MAD1L1: variants seen among roughly 807,000 people sequenced by gnomAD.
MAD1L1 encodes mitotic arrest deficient 1 like 1.
In MAD1L1, 95 loss-of-function variants were observed where a neutral mutation model predicts 96.9. The observed-to-expected ratio is 0.98, with a 90% CI of 0.83 to 1.16. The LOEUF (loss-of-function observed/expected upper bound fraction) is 1.16. Among genes scored for constraint, MAD1L1 ranks in the 50% most tolerant of loss-of-function variants. MAD1L1 has a pLI of 0.00. For missense variants in MAD1L1, 1,007 were observed against 954.4 expected, an observed-to-expected ratio of 1.06 and a Z score of -0.73; for synonymous variants, 473 against 396.6, an observed-to-expected ratio of 1.19 and a Z score of -2.29.
intron 17 of MAD1L1, among the ~76,000 whole-genome samples, chr7:1,926,063 G>C (rs1404768873): frequency 6.6e-6 from 1 of 152,126 alleles, no homozygotes; most frequent in Non-Finnish European, 1.5e-5. Context: ...ACCAGTATCA[G>C]GAAGGAAGGA....
chr7:1,886,152 G>C (rs917984642), intron 18 of MAD1L1, among the ~76,000 whole-genome samples: 1 of 152,212 alleles, frequency 6.6e-6, no homozygotes, highest in Non-Finnish European at 1.5e-5. Flanking sequence ...TTCACTTCTG[G>C]GCACCTGGCG....
At chr7:2,060,666 C>A (rs1486840795) in intron 12 of MAD1L1, among the ~76,000 whole-genome samples, 1 of 152,208 alleles carries the variant, frequency 6.6e-6, no homozygotes, top group Non-Finnish European at 1.5e-5. Context: ...CTGAAGTGGA[C>A]GGCCACGAGG....
At chr7:2,064,420 T>C (rs11760737) in intron 12 of MAD1L1, among the ~76,000 whole-genome samples, 20,861 of 151,942 alleles carry the variant, frequency 0.14, 1,789 homozygotes, top group Middle Eastern at 0.29. Flanking sequence ...CACCATAGCA[T>C]GGAGAGGAGG....
chr7:1,896,725 G>T (rs1216485502), intron 18 of MAD1L1, among the ~76,000 whole-genome samples: 1 of 152,188 alleles, frequency 6.6e-6, no homozygotes, highest in Admixed American at 6.5e-5. Context: ...GTGCCCCAAG[G>T]TTCCGCTGCA....
chr7:1,952,107 C>T (rs537804702), intron 16 of MAD1L1, among the ~76,000 whole-genome samples: 2 of 152,336 alleles, frequency 1.3e-5, no homozygotes, highest in Non-Finnish European at 2.9e-5. Context: ...TCACACTTTC[C>T]TTTCTCCCTA....
chr7:1,989,632 C>G (rs1269612611), intron 14 of MAD1L1, among the ~76,000 whole-genome samples: 1 of 152,214 alleles, frequency 6.6e-6, no homozygotes, highest in Non-Finnish European at 1.5e-5. Context: ...CGGCAGCGCT[C>G]CAGCCTCAGC....
intron 14 of MAD1L1, among the ~76,000 whole-genome samples, chr7:1,982,089 C>A (rs1780932631): frequency 6.6e-6 from 1 of 152,098 alleles, no homozygotes; most frequent in Non-Finnish European, 1.5e-5. Flanking sequence ...CGCATGCCAG[C>A]AACATGTCTA....
chr7:1,901,600 C>A (rs1215238284), intron 17 of MAD1L1, among the ~76,000 whole-genome samples: 1 of 152,260 alleles, frequency 6.6e-6, no homozygotes, highest in Non-Finnish European at 1.5e-5. Context: ...GCCCGGCTCG[C>A]TGTGTGCTCA....
chr7:1,866,833 G>C (rs1330983040), intron 18 of MAD1L1, among the ~76,000 whole-genome samples: 1 of 152,230 alleles, frequency 6.6e-6, no homozygotes, highest in African/African-American at 2.4e-5. Flanking sequence ...AGGGCCCGGT[G>C]AGGGCCAAGG....
chr7:2,213,221 A>G lies in MAD1L1; in HGVS notation c.977T>C (p.Leu326Pro), dbSNP rs1282432469. The change falls in exon 10 of 19, where the codon CTG becomes CCG. Residue 326 changes from leucine (L) to proline (P), a missense_variant. By Grantham distance (98) the Leu-to-Pro change is moderately conservative (BLOSUM62 -3). Coordinates refer to ENST00000265854, the MANE Select transcript of MAD1L1 (RefSeq NM_001013836.2). ...ACCTGCCCTTCCCTACCTGATGCTC[A>G]GGCCCATGGTCTGGTCCAGTCTCTC... ...SWERLDQTMG[L>P]SIRTPEDLSR... is the part of the protein sequence containing the mutation. The G allele has an allele frequency of 1.2e-6, 2 of 1,614,178 alleles. No individual in the cohort carries two copies. Among genetic ancestry groups the G allele is most frequent in the Admixed American group, 1.7e-5 (1 of 60,030 alleles).
At chr7:2,049,335 C>T (rs745349272) in intron 12 of MAD1L1, among the ~76,000 whole-genome samples, 12 of 152,214 alleles carry the variant, frequency 7.9e-5, no homozygotes, top group Non-Finnish European at 1.8e-4. Context: ...CCTCCCTTCC[C>T]GGTGCCCCGC....
intron 10 of MAD1L1, among the ~76,000 whole-genome samples, chr7:2,206,997 G>A (rs1368318095): frequency 2.0e-5 from 3 of 149,890 alleles, no homozygotes; most frequent in African/African-American, 7.4e-5. Context: ...AGAATTGCTT[G>A]AACCCAGGAG....
intron 17 of MAD1L1, among the ~76,000 whole-genome samples, chr7:1,904,628 C>T (rs1787504900): frequency 7.8e-6 from 1 of 127,816 alleles, no homozygotes; most frequent in Non-Finnish European, 1.6e-5. Context: ...AGCGAGGATG[C>T]AGTGGCCTAT....
chr7:2,207,359 T>A (rs1284783770), intron 10 of MAD1L1, among the ~76,000 whole-genome samples: 2 of 152,172 alleles, frequency 1.3e-5, no homozygotes, highest in African/African-American at 4.8e-5. Flanking sequence ...CAGCTTCAGA[T>A]AGGGTGGTTA....
At chr7:1,896,328 T>C (rs115451594) in intron 18 of MAD1L1, among the ~76,000 whole-genome samples, 4,029 of 152,212 alleles carry the variant, frequency 0.026, 165 homozygotes, top group African/African-American at 0.091. Flanking sequence ...GGCGGGCGGA[T>C]GAGGGCCGGG....
intron 9 of MAD1L1, among the ~76,000 whole-genome samples, 157 bp from the exon 10 acceptor site, chr7:2,213,430 G>A (rs1376178557): frequency 6.6e-6 from 1 of 152,204 alleles, no homozygotes; most frequent in Non-Finnish European, 1.5e-5. Context: ...CTGCTTGGAA[G>A]TGGCCGGGTT....
At chr7:1,903,473 G>A (rs1372917871) in intron 17 of MAD1L1, among the ~76,000 whole-genome samples, 10 of 144,314 alleles carry the variant, frequency 6.9e-5, no homozygotes, top group African/African-American at 1.4e-4. Flanking sequence ...TACTGAAGAC[G>A]CTCTTGCGGA....
Position 1,869,669 on chromosome 7 carries a change from G to A in MAD1L1, c.1998+28531C>T, listed in dbSNP as rs974255746. Among the ~76,000 whole-genome samples the A allele has an allele frequency of 9.2e-5, 14 of 152,172 alleles. No individual in the cohort carries two copies. In the East Asian group the frequency reaches 1.7e-3, roughly 19 times the overall value. On this transcript the variant is annotated intron_variant, in intron 18 of 18. Transcript: ENST00000265854. ...CCGAAGGGTAATTTAATTAGCCTGC[G>A]TCGGTAATGAGCTACGATTGTCAAT...
intron 18 of MAD1L1, among the ~76,000 whole-genome samples, chr7:1,874,992 C>T (rs577265995): frequency 3.9e-5 from 6 of 152,278 alleles, no homozygotes; most frequent in East Asian, 3.9e-4. Flanking sequence ...AGGCATACTC[C>T]GAGCCAAGGG....
Sources: allele counts gnomAD v4.1 joint callset (sites outside exome capture counted in the v4.1 genomes callset), GRCh38; gene constraint gnomAD v4.1.1; transcripts MANE v1.5; gene names NCBI Gene and HGNC (gene_info 2026-07-23, HGNC 2026-07-21).